Variants in SIDT2 observed in about 807,000 individuals in gnomAD.
The protein encoded by SIDT2 is SID1 transmembrane family member 2.
A neutral mutation model predicts 114.4 loss-of-function variants in SIDT2; 68 were observed. The ratio of observed to expected loss-of-function variants is 0.59; its 90% CI spans 0.49 to 0.73. SIDT2 has a LOEUF of 0.73. SIDT2 is among the 30% of genes least tolerant of loss of function. The probability of loss-of-function intolerance (pLI) is 0.00; values close to 1 mark genes in which losing one functional copy is unlikely to be tolerated. For synonymous variants in SIDT2, 470 were observed against 438.4 expected, an observed-to-expected ratio of 1.07 and a Z score of -0.90; for missense variants, 918 against 1,097.1, an observed-to-expected ratio of 0.84 and a Z score of 2.31.
chr11:117,185,096 C>T (rs1169674809), intron 8 of SIDT2, among the ~76,000 whole-genome samples: 2 of 146,302 alleles, frequency 1.4e-5, no homozygotes, highest in African/African-American at 2.6e-5. Flanking sequence ...GTTGCCCAGG[C>T]TGGAGTGCAG....
chr11:117,184,529 T>A (rs1190548624), intron 8 of SIDT2, among the ~76,000 whole-genome samples: 1 of 152,226 alleles, frequency 6.6e-6, no homozygotes, highest in Non-Finnish European at 1.5e-5. Flanking sequence ...TGCTATAAGA[T>A]TGAGTCTCAG....
intron 18 of SIDT2, chr11:117,191,661 A>C: frequency 1.6e-6 from 1 of 615,898 alleles, no homozygotes; most frequent in Non-Finnish European, 2.9e-6. Flanking sequence ...TGTTTTCAGG[A>C]GATGTCAGAC....
rs373000742 is a variant in SIDT2 at position 117,182,640 on chromosome 11, G to C, written c.618+20G>C. ...GTGCTGGTGAGTTGCCTGCCCTTTTGCTCTTCCCCAGCAGGCAGCAGGGCT... is the reference window on the plus strand; with the variant it reads ...GTGCTGGTGAGTTGCCTGCCCTTTTCCTCTTCCCCAGCAGGCAGCAGGGCT... On this transcript the variant is annotated intron_variant, in intron 5 of 25. Coordinates refer to ENST00000324225, the MANE Select transcript of SIDT2 (RefSeq NM_001040455.2). The C allele has an allele frequency of 9.9e-6, 16 of 1,614,176 alleles. No individual in the cohort carries two copies. The highest frequency in any genetic ancestry group is 1.4e-5 in the Non-Finnish European group (16 of 1,179,992).
In SIDT2 at chr11:117,193,369, G is replaced by A. The variant is rs969610913; in HGVS notation, c.2211+111G>A. On this transcript the variant is annotated intron_variant, in intron 23 of 25. Transcript: ENST00000324225. ...GAAGTTTTCTGTCCCATCTTTGCTG[G>A]TTGCGGAGGGGAGAGGCTAAAGCCT... The A allele has an allele frequency of 6.2e-6, 6 of 972,098 alleles. No individual in the cohort carries two copies. The African/African-American group carries it at 8.1e-5, about 13-fold the overall frequency. The allele number at this position is 972,098 out of a possible 1,614,324, so 60.2% of individuals were successfully genotyped here.
Position 117,183,994 on chromosome 11 carries a change from C to T in SIDT2, c.803-80C>T. On this transcript the variant is annotated intron_variant, in intron 7 of 25. Transcript: ENST00000324225. ...CTGATAGGACATGGGTTTTTGGCTC[C>T]AGTCTCTCAAAGGCCTGATCCCACT... is the stretch of plus-strand genomic sequence containing the variant. 3 of 1,556,014 alleles carry T rather than the reference C, an allele frequency of 1.9e-6. No individual in the cohort carries two copies. In the South Asian group the frequency reaches 3.4e-5, roughly 17 times the overall value.
chr11:117,190,327 C>G lies in SIDT2; in HGVS notation c.1617+38C>G. ...CTGCCTGCCTGCCGCAGCCTCAGCT[C>G]CAGCACAGACCTCAAGCCTTGGCTC... is the stretch of plus-strand genomic sequence containing the variant. On this transcript the variant is annotated intron_variant, in intron 17 of 25. Coordinates refer to ENST00000324225, the MANE Select transcript of SIDT2 (RefSeq NM_001040455.2). The surrounding 1 kb of genome is among the most constrained non-coding windows in gnomAD (Gnocchi z 4.1). 6.6e-7 allele frequency: 1 copy of G among 1,522,746 alleles called. No individual in the cohort carries two copies. The highest frequency in any genetic ancestry group is 8.8e-7 in the Non-Finnish European group (1 of 1,137,508). 94.3% of individuals were successfully genotyped at this position (1,522,746 alleles called of 1,614,324 possible). A position where few individuals can be genotyped will look rare whatever the true frequency, so the allele number is the denominator to read the frequency against.
chr11:117,189,667 G>T, intron 15 of SIDT2: 1 of 599,778 alleles, frequency 1.7e-6, no homozygotes, highest in Non-Finnish European at 3.0e-6. Context: ...AAGTCCTGGG[G>T]CTTTGTAAGC....
In SIDT2 at chr11:117,188,827, G is replaced by T. The variant is rs1424897897; in HGVS notation, c.1278+1G>T. The T allele has an allele frequency of 6.2e-7, 1 of 1,613,718 alleles. No individual in the cohort carries two copies. Among genetic ancestry groups the T allele is most frequent in the African/African-American group, 1.3e-5 (1 of 74,938 alleles). ...CGACAAGAATGTCATTCGCACCAAG[G>T]TCTGACCCGTGGGCCTGGCCTGGTC... is the stretch of plus-strand genomic sequence containing the variant. On this transcript the variant is annotated splice_donor_variant, in intron 13 of 25. Coordinates refer to ENST00000324225, the MANE Select transcript of SIDT2 (RefSeq NM_001040455.2). LOFTEE classifies it high-confidence loss of function. This position sits in a 1 kb window ranked among gnomAD's most constrained non-coding sequence, Gnocchi z 4.0.
At chr11:117,181,683 G>C (rs1013072541) in intron 2 of SIDT2, 124 bp from the exon 3 acceptor site, 8 of 1,569,642 alleles carry the variant, frequency 5.1e-6, no homozygotes, top group Non-Finnish European at 6.9e-6. Context: ...CCACCAGCCG[G>C]GAGCTTGTGC....
intron 11 of SIDT2, 78 bp downstream of exon 11, chr11:117,187,527 G>A (rs2030544162): frequency 1.3e-6 from 2 of 1,596,578 alleles, no homozygotes; most frequent in Admixed American, 3.3e-5. Context: ...AGGCGGTAAA[G>A]TGGGAGCCAC....
intron 11 of SIDT2, 47 bp from the exon 12 acceptor site, chr11:117,187,581 T>C (rs2030546021): frequency 6.2e-7 from 1 of 1,605,712 alleles, no homozygotes; most frequent in Non-Finnish European, 8.5e-7. Flanking sequence ...AGAGCCCCTT[T>C]CCCTGCGGCC....
chr11:117,183,809 G>A lies in SIDT2; in HGVS notation c.733G>A (p.Val245Met). ...RKDFPSNSFYVVVVVKTEDQA... is the reference protein window; with the variant it reads ...RKDFPSNSFYMVVVVKTEDQA... ...AGACTTCCCCAGCAACAGCTTTTAT[G>A]TGGTGGTGGTGGTGAAGACCGAAGA... Residue 245 changes from valine to methionine, a missense_variant, in exon 7 of 26, where the codon GTG (valine) becomes ATG (methionine). Coordinates refer to ENST00000324225, the MANE Select transcript of SIDT2 (RefSeq NM_001040455.2). 1 of 1,610,028 alleles carries A rather than the reference G, an allele frequency of 6.2e-7. No individual in the cohort carries two copies. Among genetic ancestry groups the A allele is most frequent in the South Asian group, 1.1e-5 (1 of 90,968 alleles).
rs576837885 is a variant in SIDT2, at chr11:117,192,747, C to G, written c.2059-73C>G. On this transcript the variant is annotated intron_variant, in intron 21 of 25. Coordinates refer to ENST00000324225, the MANE Select transcript of SIDT2 (RefSeq NM_001040455.2). This position sits in a 1 kb window ranked among gnomAD's most constrained non-coding sequence, Gnocchi z 5.9. The stretch of plus-strand genomic sequence containing the variant: ...CTGAGGACCCAGGGGAGAGTGGGGA[C>G]CAGCTGGCTGGGCCTTCTTCCACCA... The G allele has an allele frequency of 1.6e-4, 250 of 1,611,294 alleles. 1 individual carries two copies. The Middle Eastern group carries it at 2.8e-3, about 18-fold the overall frequency.
At chr11:117,193,994 C>A (rs1431483512) in intron 24 of SIDT2, 31 bp downstream of exon 24, 1 of 1,547,834 alleles carries the variant, frequency 6.5e-7, no homozygotes, top group Non-Finnish European at 8.9e-7. Context: ...TCCTTGTGAG[C>A]CAACAAGTGG....
At chr11:117,195,229 G>C (rs1261628770) in intron 24 of SIDT2, among the ~76,000 whole-genome samples, 1 of 151,974 alleles carries the variant, frequency 6.6e-6, no homozygotes, top group African/African-American at 2.4e-5. Context: ...GGCAGACTGT[G>C]AGCTCCCTGA....
rs1310418425 is a variant in SIDT2, at chr11:117,184,090, A to G, written c.819A>G (p.Gln273=). ...YPFAEDEPVD[Q]GHRQKTLSVL... ...TACTTCCAGATGAACCGGTCGATCA[A>G]GGGCACCGCCAGAAAACCCTGTCAG... Residue 273 remains glutamine, a synonymous_variant, in exon 8 of 26, where the codon CAA becomes CAG. Transcript: ENST00000324225. 1 of 1,614,102 alleles carries G rather than the reference A, an allele frequency of 6.2e-7. No homozygotes were observed. The highest frequency in any genetic ancestry group is 8.5e-7 in the Non-Finnish European group (1 of 1,180,050).
At chr11:117,179,799 G>C (rs2030197331) in intron 1 of SIDT2, 1 of 203,546 alleles carries the variant, frequency 4.9e-6, no homozygotes, top group Admixed American at 5.5e-5. Context: ...TTATTACTGG[G>C]CTTGCCCAGA....
chr11:117,181,999 G>A (rs554724137), intron 3 of SIDT2, 28 bp downstream of exon 3: 9 of 1,614,094 alleles, frequency 5.6e-6, no homozygotes, highest in South Asian at 3.3e-5. Flanking sequence ...AGGGGACCAC[G>A]GGGGCTGGTT....
intron 12 of SIDT2, 129 bp downstream of exon 12, chr11:117,187,828 C>A: frequency 1.2e-6 from 1 of 848,796 alleles, no homozygotes; most frequent in East Asian, 2.6e-5. Flanking sequence ...TTCCTAACCC[C>A]TCTCTTCCCT....
Sources: gnomAD v4.1 joint callset for allele counts (sites outside exome capture counted in the v4.1 genomes callset) on GRCh38, gnomAD v4.1.1 for gene constraint, Gnocchi (gnomAD v3.1) non-coding constraint, MANE v1.5 for transcripts, NCBI Gene and HGNC (gene_info 2026-07-23, HGNC 2026-07-21) for gene names.